ASTN2: variants seen among roughly 807,000 people sequenced by gnomAD.
ASTN2 encodes the protein astrotactin-2.
ASTN2 carries 54 observed loss-of-function variants against 139.8 expected under a neutral mutation model. The ratio of observed to expected loss-of-function variants is 0.39; its 90% CI spans 0.31 to 0.48. The LOEUF is 0.48. ASTN2 is among the 20% of genes least tolerant of loss of function. ASTN2 has a pLI of 0.95. For synonymous variants in ASTN2, 756 were observed against 719.5 expected, an observed-to-expected ratio of 1.05 and a Z score of -0.81; for missense variants, 1,565 against 1,725.1, an observed-to-expected ratio of 0.91 and a Z score of 1.64.
intron 1 of ASTN2, among the ~76,000 whole-genome samples, chr9:117,413,806 G>C (rs1007669227): frequency 1.2e-4 from 18 of 152,314 alleles, no homozygotes; most frequent in South Asian, 8.3e-4. Flanking sequence ...TGGGTAGAAA[G>C]GGAAGGCGGT....
chr9:116,446,608 A>ACC (rs1848007057), intron 20 of ASTN2, among the ~76,000 whole-genome samples: 1 of 152,126 alleles, frequency 6.6e-6, no homozygotes, highest in Non-Finnish European at 1.5e-5. Context: ...GTCCAAGTCT[A>ACC]CTTATGGGAT....
intron 5 of ASTN2, among the ~76,000 whole-genome samples, chr9:117,091,447 T>C (rs1338582210): frequency 3.3e-5 from 5 of 152,108 alleles, no homozygotes; most frequent in Non-Finnish European, 7.4e-5. Context: ...TGTAAAATTA[T>C]AGTGGTGACC....
At chr9:116,564,167 A>T (rs113838652) in intron 19 of ASTN2, among the ~76,000 whole-genome samples, 146 of 152,340 alleles carry the variant, frequency 9.6e-4, no homozygotes, top group African/African-American at 3.2e-3. Flanking sequence ...ACCTGATTCA[A>T]ATAGTTAAAA....
intron 16 of ASTN2, among the ~76,000 whole-genome samples, chr9:116,694,255 T>G (rs373469245): frequency 3.3e-4 from 50 of 152,168 alleles, no homozygotes; most frequent in African/African-American, 1.2e-3. Context: ...TGCTGCTATT[T>G]TTACAAGTTG....
intron 1 of ASTN2, among the ~76,000 whole-genome samples, chr9:117,335,243 A>C (rs1828846753): frequency 6.6e-6 from 1 of 152,212 alleles, no homozygotes; most frequent in Non-Finnish European, 1.5e-5. Flanking sequence ...CTGCTTTTCT[A>C]GAATCCAGAA....
intron 19 of ASTN2, among the ~76,000 whole-genome samples, chr9:116,575,794 G>C (rs1853700742): frequency 1.3e-5 from 2 of 152,120 alleles, no homozygotes; most frequent in South Asian, 4.1e-4. Flanking sequence ...GTACACTAAA[G>C]CTAGGCAGGA....
chr9:116,487,641 G>C (rs1437801774), intron 19 of ASTN2, 141 bp from the exon 20 acceptor site: 9 of 876,140 alleles, frequency 1.0e-5, no homozygotes, highest in Non-Finnish European at 1.5e-5. Context: ...ATATGAAAAT[G>C]AAACAGATTT....
At chr9:116,856,098 G>A (rs1477279273) in intron 11 of ASTN2, among the ~76,000 whole-genome samples, 3 of 152,196 alleles carry the variant, frequency 2.0e-5, no homozygotes, top group Admixed American at 6.5e-5. Context: ...TGCAACCCAA[G>A]AGCCTGAAGT....
intron 19 of ASTN2, among the ~76,000 whole-genome samples, chr9:116,606,960 A>G (rs953122728): frequency 6.6e-6 from 1 of 152,202 alleles, no homozygotes; most frequent in African/African-American, 2.4e-5. Context: ...ATAAAACTCA[A>G]CTGAGTGAAC....
chr9:116,846,913 G>A (rs142705446), intron 11 of ASTN2, among the ~76,000 whole-genome samples: 8 of 149,140 alleles, frequency 5.4e-5, no homozygotes, highest in East Asian at 2.0e-4. Context: ...GGTGGCAGTC[G>A]CGAAGCCTTC....
intron 5 of ASTN2, among the ~76,000 whole-genome samples, chr9:117,063,141 A>T (rs938097583): frequency 8.2e-4 from 125 of 152,350 alleles, no homozygotes; most frequent in African/African-American, 2.9e-3. Flanking sequence ...TATGTCAGGT[A>T]TAGTTACAGT....
At chr9:117,396,409 T>C (rs1425194302) in intron 1 of ASTN2, among the ~76,000 whole-genome samples, 1 of 152,220 alleles carries the variant, frequency 6.6e-6, no homozygotes. Flanking sequence ...TGCCACCCGT[T>C]AAGTTGTATT....
chr9:116,999,650 C>A (rs945453777), intron 7 of ASTN2, among the ~76,000 whole-genome samples: 1 of 141,484 alleles, frequency 7.1e-6, no homozygotes, highest in Non-Finnish European at 1.5e-5. Flanking sequence ...ACCTTCGCCT[C>A]TCAGGCTCAA....
chr9:117,348,234 T>C (rs1237504760), intron 1 of ASTN2, among the ~76,000 whole-genome samples: 1 of 152,178 alleles, frequency 6.6e-6, no homozygotes, highest in African/African-American at 2.4e-5. Context: ...AAGGCAATTT[T>C]CCAGGTAGTT....
intron 10 of ASTN2, among the ~76,000 whole-genome samples, chr9:116,869,836 G>T (rs1833110655): frequency 6.6e-6 from 1 of 152,138 alleles, no homozygotes; most frequent in South Asian, 2.1e-4. Context: ...GGGTGTAGTG[G>T]CTCATGCCTG....
chr9:117,241,934 A>C (rs61288910), intron 2 of ASTN2, among the ~76,000 whole-genome samples: 2,130 of 130,846 alleles, frequency 0.016, 21 homozygotes, highest in Admixed American at 0.022. Context: ...ACCCCCCCCC[A>C]CACACACACA....
chr9:117,179,149 C>T (rs566172302), intron 3 of ASTN2, among the ~76,000 whole-genome samples: 3 of 152,096 alleles, frequency 2.0e-5, no homozygotes, highest in South Asian at 4.2e-4. Context: ...AGGAAATATC[C>T]CATGTGCTGA....
chr9:117,076,847 C>G (rs936926760), intron 5 of ASTN2, among the ~76,000 whole-genome samples: 1 of 152,158 alleles, frequency 6.6e-6, no homozygotes, highest in African/African-American at 2.4e-5. Context: ...TCCTGGAGGT[C>G]CTGCCTCTAT....
At chr9:116,703,765 A>G (rs1827916613) in intron 16 of ASTN2, among the ~76,000 whole-genome samples, 1 of 151,406 alleles carries the variant, frequency 6.6e-6, no homozygotes, top group South Asian at 2.1e-4. Context: ...TCTACTCTGT[A>G]GGAGGGAAGT....
Sources: allele counts gnomAD v4.1 joint callset (sites outside exome capture counted in the v4.1 genomes callset), GRCh38; gene constraint gnomAD v4.1.1; transcripts MANE v1.5; gene names NCBI Gene and HGNC (gene_info 2026-07-23, HGNC 2026-07-21).